Variants in EEF1B2 observed in about 807,000 individuals in gnomAD.
EEF1B2 encodes elongation factor 1-beta.
A neutral mutation model predicts 28.3 loss-of-function variants in EEF1B2; 12 were observed. The ratio of observed to expected loss-of-function variants is 0.42; its 90% confidence interval spans 0.27 to 0.69. The LOEUF (loss-of-function observed/expected upper bound fraction) is 0.69. Ranked by LOEUF, EEF1B2 falls within the 30% of genes least tolerant of loss-of-function variation. The pLI, the probability that EEF1B2 is intolerant of heterozygous loss-of-function variation, is 0.22. For synonymous variants in EEF1B2, 83 were observed against 99.9 expected (o/e 0.83, Z 1.01); for missense variants, 234 against 272.6 (o/e 0.86, Z 1.00).
Position 206,162,859 on chromosome 2 carries a change from T to TGTG in EEF1B2, c.656_658dup (p.Val219dup). 6.3e-7 allele frequency: 1 copy of TGTG among 1,595,316 alleles called. No individual in the cohort carries two copies. The highest frequency in any genetic ancestry group is 8.5e-7 in the Non-Finnish European group (1 of 1,178,270). ...TTGAGGACTATGTGCAGTCCATGGA[T>TGTG]GTGGCTGCTTTCAACAAGATCTAAA... On this transcript the variant is annotated inframe_insertion, in exon 6 of 6. Coordinates refer to ENST00000392222, the MANE Select transcript of EEF1B2 (RefSeq NM_001959.4).
chr2:206,161,926 G>C (rs374498694), intron 3 of EEF1B2, 112 bp from the exon 4 acceptor site: 2 of 891,624 alleles, frequency 2.2e-6, no homozygotes, highest in South Asian at 1.3e-5. Flanking sequence ...GGCTGAGTTC[G>C]TGATGGATTT....
At chr2:206,161,932 GA>G (rs1687946517) in intron 3 of EEF1B2, 105 bp from the exon 4 acceptor site, 1 of 927,212 alleles carries the variant, frequency 1.1e-6, no homozygotes, top group Non-Finnish European at 1.8e-6. Flanking sequence ...GTTCGTGATG[GA>G]TTTGCTTTTT....
At chr2:206,162,653 A>C in intron 5 of EEF1B2, 39 bp downstream of exon 5, 1 of 1,593,470 alleles carries the variant, frequency 6.3e-7, no homozygotes, top group Non-Finnish European at 8.5e-7. Flanking sequence ...TGAAACTAAC[A>C]TCTGGAATTT....
At chr2:206,161,884 G>T (rs748316563) in intron 3 of EEF1B2, 154 bp from the exon 4 acceptor site, 2 of 783,848 alleles carry the variant, frequency 2.6e-6, no homozygotes, top group East Asian at 2.5e-5. Context: ...CTGACTGGTT[G>T]CATGATGAAT....
At position 206,162,623 on chromosome 2, in the gene EEF1B2, A is replaced by G. The variant is rs778273035; in HGVS notation, c.523+9A>G. 6.2e-7 allele frequency: 1 copy of G among 1,600,308 alleles called. No homozygotes were observed. On this transcript the variant is annotated intron_variant, in intron 5 of 5. Transcript: ENST00000392222. ...CTTAGTCTGGGGCTCATGTGAGTTT[A>G]GGCTTTGCCTTTTTTTTTTTGAAAC...
Position 206,162,496 on chromosome 2 carries a change from A to G in EEF1B2, c.405A>G (p.Ala135=), listed in dbSNP as rs1348130428. 2 of 1,612,676 alleles carry G rather than the reference A, an allele frequency of 1.2e-6. No individual in the cohort carries two copies. Among genetic ancestry groups the G allele is most frequent in the Non-Finnish European group, 1.7e-6 (2 of 1,179,854 alleles). Residue 135 remains alanine (A), a synonymous_variant, in exon 5 of 6, where the codon GCA becomes GCG. Coordinates refer to ENST00000392222, the MANE Select transcript of EEF1B2 (RefSeq NM_001959.4). The part of the protein sequence containing the change: ...QYESKKAKKP[A]LVAKSSILLD... ...GCTGTTTATTGTTTTTAGAACCTGC[A>G]CTTGTTGCCAAGTCTTCCATCTTAC...
intron 1 of EEF1B2, 29 bp downstream of exon 1, chr2:206,160,088 G>C: frequency 1.2e-6 from 2 of 1,605,588 alleles, no homozygotes; most frequent in Non-Finnish European, 1.7e-6. Context: ...TCGGGGTGGC[G>C]GGGAGGTTTC....
chr2:206,162,012 A>G (rs1241677815), intron 3 of EEF1B2, 26 bp from the exon 4 acceptor site: 3 of 1,605,352 alleles, frequency 1.9e-6, no homozygotes, highest in Non-Finnish European at 1.7e-6. Context: ...AGCTTTCTGA[A>G]GTGGATTAAT....
chr2:206,161,160 G>A (rs1687917619), intron 2 of EEF1B2, 186 bp from the exon 3 acceptor site: 1 of 681,826 alleles, frequency 1.5e-6, no homozygotes, highest in African/African-American at 1.8e-5. Context: ...TGTCTCACAT[G>A]GTACTAATGC....
At chr2:206,160,513 C>G (rs759164131) in intron 1 of EEF1B2, 75 bp from the exon 2 acceptor site, 1 of 1,608,010 alleles carries the variant, frequency 6.2e-7, no homozygotes. Flanking sequence ...TAATGTGATG[C>G]ATACGGTATT....
Position 206,160,054 on chromosome 2 carries a change from C to A in EEF1B2, c.75C>A (p.Ile25=). 6.2e-7 allele frequency: 1 copy of A among 1,612,224 alleles called. No homozygotes were observed. Among genetic ancestry groups the A allele is most frequent in the Non-Finnish European group, 8.5e-7 (1 of 1,179,286 alleles). The change falls in exon 1 of 6, where the codon ATC becomes ATA. Residue 25 remains isoleucine (I), a synonymous_variant. Coordinates refer to ENST00000392222, the MANE Select transcript of EEF1B2 (RefSeq NM_001959.4). ...LNDYLADKSY[I]EGYVPSQADV... is the part of the protein sequence containing the mutation. Reference sequence around the variant, plus strand: ...ATTACCTGGCGGACAAGAGCTACATCGAGGGGTGAGCGGACGGGCTGAGTC... The same window carrying A: ...ATTACCTGGCGGACAAGAGCTACATAGAGGGGTGAGCGGACGGGCTGAGTC...
intron 1 of EEF1B2, 145 bp downstream of exon 1, chr2:206,160,204 C>T: frequency 8.9e-7 from 1 of 1,124,638 alleles, no homozygotes; most frequent in Non-Finnish European, 1.2e-6. Flanking sequence ...GCCCCGTTGC[C>T]GTCTCCCAAG....
At chr2:206,161,212 G>C in intron 2 of EEF1B2, 134 bp from the exon 3 acceptor site, 1 of 1,242,986 alleles carries the variant, frequency 8.0e-7, no homozygotes. Context: ...GTTTACCTGG[G>C]CGCATGTGAA....
intron 2 of EEF1B2, chr2:206,160,956 G>T: frequency 1.4e-6 from 1 of 710,390 alleles, no homozygotes; most frequent in Non-Finnish European, 2.5e-6. Flanking sequence ...ACCTTGACCT[G>T]GGGGGCCCAC....
intron 4 of EEF1B2, 177 bp from the exon 5 acceptor site, chr2:206,162,312 T>C: frequency 8.3e-7 from 1 of 1,204,052 alleles, no homozygotes. Flanking sequence ...CACAAACACC[T>C]CTTTCTTAGC....
At chr2:206,162,004 C>G in intron 3 of EEF1B2, 34 bp from the exon 4 acceptor site, 1 of 1,594,408 alleles carries the variant, frequency 6.3e-7, no homozygotes, top group Non-Finnish European at 8.6e-7. Flanking sequence ...GAACAACCAG[C>G]TTTCTGAAGT....
chr2:206,160,497 A>G lies in EEF1B2; in HGVS notation c.81-91A>G, dbSNP rs1049333872. 7.5e-6 allele frequency: 12 copies of G among 1,597,540 alleles called. No individual in the cohort carries two copies. In the South Asian group the frequency reaches 1.0e-4, roughly 13 times the overall value. On this transcript the variant is annotated intron_variant, in intron 1 of 5. Transcript: ENST00000392222. ...AGCAACCCTGCTGGGGTTAGTGCCC[A>G]CTAATTAATGTGATGCATACGGTAT... is the stretch of plus-strand genomic sequence containing the variant.
intron 2 of EEF1B2, chr2:206,160,955 TG>T (rs1397083440): frequency 9.8e-6 from 7 of 715,662 alleles, no homozygotes; most frequent in Admixed American, 2.0e-5. Flanking sequence ...GACCTTGACC[TG>T]GGGGGCCCAC....
In EEF1B2 at chr2:206,162,582, G is replaced by T. The variant is rs764623938; in HGVS notation, c.491G>T (p.Ser164Ile). 3 of 1,613,432 alleles carry T rather than the reference G, an allele frequency of 1.9e-6. No homozygotes were observed. In the Admixed American group the frequency reaches 5.0e-5, roughly 27 times the overall value. Residue 164 changes from serine to isoleucine, a missense_variant, in exon 5 of 6, where the codon AGC becomes ATC. Physicochemically the swap from Ser to Ile is moderately radical, Grantham distance 142 (BLOSUM62 -2). Around this residue, in one of 2 missense-constraint regions of EEF1B2, gnomAD observed 56 missense variants for 99.3 expected, o/e 0.56. Coordinates refer to ENST00000392222, the MANE Select transcript of EEF1B2 (RefSeq NM_001959.4). Reference sequence around the variant, plus strand: ...GCGAAATTAGAGGAGTGCGTCAGAAGCATTCAAGCAGACGGCTTAGTCTGG... The same window carrying T: ...GCGAAATTAGAGGAGTGCGTCAGAATCATTCAAGCAGACGGCTTAGTCTGG... ...DMAKLEECVRSIQADGLVWGS... is the reference protein window; with the variant it reads ...DMAKLEECVRIIQADGLVWGS...
Sources: allele counts gnomAD v4.1 joint callset, GRCh38; gene constraint gnomAD v4.1.1; regional missense constraint gnomAD v4.1.1; transcripts MANE v1.5; gene names NCBI Gene and HGNC (gene_info 2026-07-23, HGNC 2026-07-21).